The following COG5 variants were observed in gnomAD, a reference collection of about 807,000 sequenced individuals.
COG5 encodes conserved oligomeric Golgi complex subunit 5.
COG5 carries 86 observed loss-of-function variants against 110.4 expected under a neutral mutation model. The observed-to-expected ratio is 0.78, with a 90% CI of 0.65 to 0.93. COG5 has a LOEUF of 0.93. COG5 is among the 40% of genes least tolerant of loss of function. The pLI is 0.00. For missense variants in COG5, 1,077 were observed against 987.0 expected (o/e 1.09, Z -1.22); for synonymous variants, 360 against 334.6 (o/e 1.08, Z -0.83).
At chr7:107,531,228 A>G (rs1014694542) in intron 5 of COG5, among the ~76,000 whole-genome samples, 13 of 152,174 alleles carry the variant, frequency 8.5e-5, no homozygotes, top group African/African-American at 3.1e-4. Flanking sequence ...CAGTTTAACA[A>G]GTTCCTCTAT....
chr7:107,333,483 T>C lies in COG5; in HGVS notation c.1027-8962A>G, dbSNP rs1305692160. ...AAATCAAAATATTAGCTTTTACATG[T>C]ACACTGTTCAGAGAGAAAAAAATAT... On this transcript the variant is annotated intron_variant, in intron 10 of 21. Transcript: ENST00000297135. Among the ~76,000 whole-genome samples the C allele has an allele frequency of 2.0e-5, 3 of 152,250 alleles. No homozygotes were observed. The East Asian group carries it at 5.8e-4, about 29-fold the overall frequency.
At chr7:107,500,066 T>C (rs980705737) in intron 6 of COG5, among the ~76,000 whole-genome samples, 1 of 151,960 alleles carries the variant, frequency 6.6e-6, no homozygotes, top group Non-Finnish European at 1.5e-5. Flanking sequence ...TCAACCAAAC[T>C]GAGACCCTGT....
At position 107,339,771 on chromosome 7, in the gene COG5, T is replaced by C. The variant is rs113869090; in HGVS notation, c.1027-15250A>G. 6.8e-3 allele frequency among the ~76,000 whole-genome samples: 1,034 copies of C among 152,112 alleles called. 16 individuals are homozygous for C. Among genetic ancestry groups the C allele is most frequent in the African/African-American group, 0.024 (977 of 41,520 alleles). On this transcript the variant is annotated intron_variant, in intron 10 of 21. Transcript: ENST00000297135. ...TAAACAACATGTCTCTGAATGACTTTTGGGCAAGCAGTGAAATTGTCAGAA... is the reference window on the plus strand; with the variant it reads ...TAAACAACATGTCTCTGAATGACTTCTGGGCAAGCAGTGAAATTGTCAGAA...
chr7:107,521,004 G>C (rs534334575), intron 6 of COG5, among the ~76,000 whole-genome samples: 2 of 152,174 alleles, frequency 1.3e-5, no homozygotes, highest in African/African-American at 4.8e-5. Flanking sequence ...TGTACAACCA[G>C]CTGATCTTCA....
chr7:107,338,515 T>C (rs914184479), intron 10 of COG5, among the ~76,000 whole-genome samples: 1 of 152,104 alleles, frequency 6.6e-6, no homozygotes, highest in Non-Finnish European at 1.5e-5. Flanking sequence ...AGATTAGACT[T>C]AAACATAAGA....
chr7:107,512,446 A>G (rs1563075787), intron 6 of COG5, among the ~76,000 whole-genome samples: 1 of 152,210 alleles, frequency 6.6e-6, no homozygotes, highest in African/African-American at 2.4e-5. Context: ...AGGAAGAATC[A>G]ATATCGTGAA....
At chr7:107,469,638 A>G (rs1000598964) in intron 6 of COG5, among the ~76,000 whole-genome samples, 2 of 152,176 alleles carry the variant, frequency 1.3e-5, no homozygotes, top group Non-Finnish European at 2.9e-5. Flanking sequence ...CTCACAGTAA[A>G]GATGCAGTGG....
intron 6 of COG5, among the ~76,000 whole-genome samples, chr7:107,452,576 A>G (rs1795404001): frequency 6.6e-6 from 1 of 152,126 alleles, no homozygotes; most frequent in Non-Finnish European, 1.5e-5. Flanking sequence ...TGGTTTTAAA[A>G]ACGGGAGTTT....
intron 14 of COG5, among the ~76,000 whole-genome samples, chr7:107,263,082 A>G (rs1465261857): frequency 6.6e-6 from 1 of 152,204 alleles, no homozygotes; most frequent in Non-Finnish European, 1.5e-5. Context: ...GAATGAGAAC[A>G]AAACGCTAGT....
chr7:107,364,661 C>A (rs1228264226), intron 8 of COG5, among the ~76,000 whole-genome samples: 1 of 152,164 alleles, frequency 6.6e-6, no homozygotes, highest in East Asian at 1.9e-4. Context: ...CATTCTATAT[C>A]CCTGCTTTTA....
intron 6 of COG5, among the ~76,000 whole-genome samples, chr7:107,430,479 A>T (rs532127667): frequency 1.3e-5 from 2 of 152,310 alleles, no homozygotes; most frequent in South Asian, 4.1e-4. Context: ...AGACTGTATG[A>T]ATTATTGTAG....
chr7:107,210,227 T>G (rs913229291), intron 21 of COG5: 10 of 1,247,800 alleles, frequency 8.0e-6, no homozygotes, highest in Non-Finnish European at 1.0e-5. Flanking sequence ...GGGCAAAACT[T>G]TTCATAGCAA....
chr7:107,264,525 C>G (rs1328163373), intron 14 of COG5, among the ~76,000 whole-genome samples: 1 of 151,982 alleles, frequency 6.6e-6, no homozygotes, highest in Non-Finnish European at 1.5e-5. Flanking sequence ...AACCCCATCT[C>G]TACAAAAAAT....
intron 6 of COG5, among the ~76,000 whole-genome samples, chr7:107,454,952 G>GA (rs1795569786): frequency 6.6e-6 from 1 of 152,044 alleles, no homozygotes; most frequent in African/African-American, 2.4e-5. Flanking sequence ...GTCATTGGAG[G>GA]AAAAAAAGCT....
intron 14 of COG5, among the ~76,000 whole-genome samples, chr7:107,262,723 C>G (rs1483086377): frequency 6.6e-6 from 1 of 152,126 alleles, no homozygotes. Flanking sequence ...CTCCTTCCCT[C>G]CTCCTTATTC....
intron 14 of COG5, among the ~76,000 whole-genome samples, chr7:107,278,543 T>C (rs925446740): frequency 1.3e-5 from 2 of 152,166 alleles, no homozygotes; most frequent in African/African-American, 4.8e-5. Flanking sequence ...TTCCTGTGTT[T>C]GTTTGCTGAG....
rs1797897754 is a variant in COG5, at chr7:107,490,152, T to A, written c.538+37085A>T. On this transcript the variant is annotated intron_variant, in intron 6 of 21. Transcript: ENST00000297135. ...TCAACAGAAATTTCAGAGACTTGAT[T>A]TTCACTTTTCTTAAATGTTTCTACT... 2.0e-5 allele frequency among the ~76,000 whole-genome samples: 3 copies of A among 152,268 alleles called. No individual in the cohort carries two copies. The East Asian group carries it at 5.8e-4, about 29-fold the overall frequency.
At chr7:107,312,422 A>C (rs1314588541) in intron 11 of COG5, among the ~76,000 whole-genome samples, 1 of 152,314 alleles carries the variant, frequency 6.6e-6, no homozygotes, top group African/African-American at 2.4e-5. Flanking sequence ...GCAGTGGGCT[A>C]AGTGCTGAAA....
chr7:107,225,075 C>T (rs1376826789), intron 19 of COG5, among the ~76,000 whole-genome samples: 1 of 152,168 alleles, frequency 6.6e-6, no homozygotes, highest in Non-Finnish European at 1.5e-5. Flanking sequence ...TGTGTACATG[C>T]TGGGTGTGGT....
Sources: allele counts gnomAD v4.1 joint callset (sites outside exome capture counted in the v4.1 genomes callset), GRCh38; gene constraint gnomAD v4.1.1; transcripts MANE v1.5; gene names NCBI Gene and HGNC (gene_info 2026-07-23, HGNC 2026-07-21).